SLC44A5: variants seen among roughly 807,000 people sequenced by gnomAD.
SLC44A5 encodes solute carrier family 44 member 5, also known as choline transporter-like protein 5.
Under a neutral mutation model 101.8 loss-of-function variants are expected in SLC44A5, and 57 were observed. That is an observed-to-expected ratio of 0.56 (90% CI 0.45 to 0.70). The LOEUF (loss-of-function observed/expected upper bound fraction) is 0.70, where lower values mean the gene tolerates loss of function less well. Among genes scored for constraint, SLC44A5 ranks in the 30% least tolerant of loss-of-function variants. The pLI, the probability that SLC44A5 is intolerant of heterozygous loss-of-function variation, is 0.00. For missense variants in SLC44A5, 737 were observed against 853.1 expected (o/e 0.86, Z 1.70); for synonymous variants, 281 against 290.9 (o/e 0.97, Z 0.35).
intron 2 of SLC44A5, among the ~76,000 whole-genome samples, chr1:75,444,724 C>T (rs1665447361): frequency 6.6e-6 from 1 of 151,724 alleles, no homozygotes; most frequent in Admixed American, 6.6e-5. Context: ...GAAATCAGAT[C>T]CCATGCATAA....
intron 4 of SLC44A5, among the ~76,000 whole-genome samples, chr1:75,301,310 T>G (rs890366858): frequency 6.6e-6 from 1 of 152,184 alleles, no homozygotes; most frequent in African/African-American, 2.4e-5. Flanking sequence ...AGTGATTTGC[T>G]AAAGGTCAGA....
At chr1:75,505,627 C>G (rs1231007269) in intron 2 of SLC44A5, among the ~76,000 whole-genome samples, 1 of 151,952 alleles carries the variant, frequency 6.6e-6, no homozygotes, top group African/African-American at 2.4e-5. Context: ...TTTATTCATA[C>G]TTTTTTCGCT....
intron 6 of SLC44A5, among the ~76,000 whole-genome samples, chr1:75,256,504 G>A (rs981993439): frequency 6.6e-6 from 1 of 152,152 alleles, no homozygotes. Flanking sequence ...AAATAAGAAA[G>A]TAATGGCCTG....
chr1:75,392,510 T>C (rs575691532), intron 3 of SLC44A5, among the ~76,000 whole-genome samples: 4 of 152,182 alleles, frequency 2.6e-5, no homozygotes, highest in Admixed American at 6.5e-5. Flanking sequence ...ATAACAGATG[T>C]TGGTGAGTAC....
intron 4 of SLC44A5, among the ~76,000 whole-genome samples, chr1:75,322,207 G>A (rs1052876947): frequency 2.0e-5 from 3 of 152,112 alleles, no homozygotes; most frequent in African/African-American, 7.2e-5. Context: ...AGCTACTCTG[G>A]AGGTTGAGGC....
chr1:75,690,688 C>T, the SLC44A5 span, among the ~76,000 whole-genome samples: 1 of 152,204 alleles, frequency 6.6e-6, no homozygotes, highest in Non-Finnish European at 1.5e-5. Context: ...TCATTATACA[C>T]TCATTAACAT....
chr1:75,385,306 G>A (rs971497670), intron 3 of SLC44A5, among the ~76,000 whole-genome samples: 3 of 147,588 alleles, frequency 2.0e-5, no homozygotes, highest in African/African-American at 2.6e-5. Flanking sequence ...TTGATAGACC[G>A]CTAGCAAGAC....
At chr1:75,696,178 A>G in the SLC44A5 span, among the ~76,000 whole-genome samples, 1 of 152,206 alleles carries the variant, frequency 6.6e-6, no homozygotes, top group Non-Finnish European at 1.5e-5. Context: ...ACTTAGGCTA[A>G]TAGCCACAAG....
chr1:75,588,745 T>TA (rs11384517), intron 1 of SLC44A5, among the ~76,000 whole-genome samples: 145,599 of 152,006 alleles, frequency 0.96, 69,772 homozygotes, highest in African/African-American at 0.97. Context: ...CTGGTTTTTT[T>TA]AAAAAGCAGA....
At chr1:75,218,825 C>T in intron 16 of SLC44A5, 73 bp from the exon 17 acceptor site, 1 of 1,421,092 alleles carries the variant, frequency 7.0e-7, no homozygotes, top group East Asian at 2.3e-5. Context: ...CTGTGTTTTC[C>T]TCTTCCCCTT....
intron 4 of SLC44A5, among the ~76,000 whole-genome samples, chr1:75,314,646 T>C (rs1392902999): frequency 6.6e-6 from 1 of 152,164 alleles, no homozygotes; most frequent in Non-Finnish European, 1.5e-5. Flanking sequence ...AATGCAAGTA[T>C]TTAGAATGGT....
chr1:75,403,676 C>A (rs1471604596), intron 2 of SLC44A5, among the ~76,000 whole-genome samples: 1 of 152,128 alleles, frequency 6.6e-6, no homozygotes, highest in African/African-American at 2.4e-5. Flanking sequence ...GATGCCCACA[C>A]AAAAACCCAT....
intron 4 of SLC44A5, 116 bp downstream of exon 4, chr1:75,339,466 T>A (rs763835439): frequency 2.8e-4 from 207 of 745,506 alleles, no homozygotes; most frequent in Non-Finnish European, 3.9e-4. Flanking sequence ...AAATATATCA[T>A]TTTCCCCTCA....
upstream of SLC44A5, among the ~76,000 whole-genome samples, chr1:75,615,242 T>C (rs1570749211): frequency 1.3e-5 from 2 of 151,638 alleles, no homozygotes; most frequent in Admixed American, 6.6e-5. Context: ...ACTCGGCCGG[T>C]AGCAAGTCCC....
intron 2 of SLC44A5, among the ~76,000 whole-genome samples, chr1:75,436,561 G>A (rs886337085): frequency 1.3e-5 from 2 of 152,134 alleles, no homozygotes; most frequent in African/African-American, 2.4e-5. Flanking sequence ...GAGTCAGTGA[G>A]TGAGTGCTGA....
intron 4 of SLC44A5, among the ~76,000 whole-genome samples, chr1:75,301,373 C>G (rs1457338625): frequency 6.6e-6 from 1 of 152,156 alleles, no homozygotes; most frequent in African/African-American, 2.4e-5. Context: ...AAAGTATTTT[C>G]TATTCCCAAT....
the SLC44A5 span, among the ~76,000 whole-genome samples, chr1:75,698,314 A>G: frequency 6.6e-6 from 1 of 152,184 alleles, no homozygotes; most frequent in African/African-American, 2.4e-5. Flanking sequence ...CTGAGAATGG[A>G]CAGACTGCCT....
intron 2 of SLC44A5, among the ~76,000 whole-genome samples, chr1:75,457,305 A>G (rs576910946): frequency 1.6e-4 from 24 of 152,342 alleles, no homozygotes; most frequent in African/African-American, 5.8e-4. Context: ...ACCCAAAAAG[A>G]CAATTAGCAT....
At chr1:75,302,112 G>GTTTTTTTTTTTTTTTTTTTTTTTTTTT (rs10684140) in intron 4 of SLC44A5, among the ~76,000 whole-genome samples, 3 of 60,138 alleles carry the variant, frequency 5.0e-5, no homozygotes, top group African/African-American at 1.4e-4. Flanking sequence ...TAGTTTTTTT[G>GTTTTTTTTTTTTTTTTTTTTTTTTTTT]TTTTTTTTTT....
Sources: gnomAD v4.1 joint callset for allele counts (sites outside exome capture counted in the v4.1 genomes callset) on GRCh38, gnomAD v4.1.1 for gene constraint, MANE v1.5 for transcripts, NCBI Gene and HGNC (gene_info 2026-07-23, HGNC 2026-07-21) for gene names.